SPON1: variants seen among roughly 807,000 people sequenced by gnomAD.
The protein encoded by SPON1 is spondin 1.
A neutral mutation model predicts 111.7 loss-of-function variants in SPON1; 52 were observed. The ratio of observed to expected loss-of-function variants is 0.47; its 90% CI spans 0.37 to 0.59. SPON1 has a LOEUF of 0.59. Among genes scored for constraint, SPON1 ranks in the 20% least tolerant of loss-of-function variants. The pLI, the probability that SPON1 is intolerant of heterozygous loss-of-function variation, is 0.00. For missense variants in SPON1, 957 were observed against 1,068.5 expected (o/e 0.90, Z 1.46); for synonymous variants, 410 against 395.8 (o/e 1.04, Z -0.43).
intron 6 of SPON1, among the ~76,000 whole-genome samples, chr11:14,138,410 A>G (rs927680284): frequency 1.3e-5 from 2 of 152,232 alleles, no homozygotes; most frequent in Admixed American, 6.5e-5. Context: ...TAATGTTACT[A>G]TAACTGCAAA....
chr11:14,246,471 C>G (rs1456422526), intron 7 of SPON1, among the ~76,000 whole-genome samples: 3 of 152,162 alleles, frequency 2.0e-5, no homozygotes, highest in Non-Finnish European at 4.4e-5. Context: ...ATAACACGAT[C>G]CTTCCAATTA....
intron 4 of SPON1, 57 bp from the exon 5 acceptor site, chr11:14,079,842 A>G: frequency 1.2e-6 from 2 of 1,603,118 alleles, no homozygotes; most frequent in Non-Finnish European, 1.7e-6. Flanking sequence ...TGATAGCACC[A>G]CCTTATATAC....
chr11:14,094,211 CAAA>C (rs1183210350), intron 5 of SPON1, among the ~76,000 whole-genome samples: 5 of 101,698 alleles, frequency 4.9e-5, no homozygotes, highest in Non-Finnish European at 4.2e-5. Flanking sequence ...GACTCTGTCT[CAAA>C]AAAAAAAAAA....
intron 3 of SPON1, among the ~76,000 whole-genome samples, chr11:14,065,896 AGGAAT>A: frequency 1.3e-5 from 2 of 152,230 alleles, no homozygotes; most frequent in African/African-American, 2.4e-5. Flanking sequence ...GTTAGGTCCT[AGGAAT>A]GCAATGATGA....
chr11:14,046,122 T>C (rs2133815999), intron 3 of SPON1, among the ~76,000 whole-genome samples: 2 of 152,020 alleles, frequency 1.3e-5, no homozygotes, highest in East Asian at 1.9e-4. Context: ...GGGGGCAAAA[T>C]AACAGTGAAG....
chr11:14,075,071 A>C (rs1279376218), intron 3 of SPON1, among the ~76,000 whole-genome samples: 1 of 152,180 alleles, frequency 6.6e-6, no homozygotes, highest in Non-Finnish European at 1.5e-5. Context: ...TTACCTTCAC[A>C]ATAACCTTAC....
chr11:14,141,148 A>G (rs1554928751), intron 6 of SPON1, among the ~76,000 whole-genome samples: 1 of 151,136 alleles, frequency 6.6e-6, no homozygotes, highest in Admixed American at 6.6e-5. Context: ...CTCACCACGC[A>G]CTAGCTCCTG....
intron 6 of SPON1, among the ~76,000 whole-genome samples, chr11:14,144,143 G>A (rs1305537736): frequency 6.6e-6 from 1 of 152,116 alleles, no homozygotes; most frequent in Non-Finnish European, 1.5e-5. Flanking sequence ...CTTGGAGTAT[G>A]AGCTCATTAT....
chr11:14,119,567 G>A (rs1347875413), intron 5 of SPON1, among the ~76,000 whole-genome samples: 1 of 152,172 alleles, frequency 6.6e-6, no homozygotes, highest in Non-Finnish European at 1.5e-5. Context: ...CTCACTGATA[G>A]CATTAGCAAG....
intron 6 of SPON1, among the ~76,000 whole-genome samples, chr11:14,231,698 T>A (rs1848804730): frequency 6.6e-6 from 1 of 152,224 alleles, no homozygotes; most frequent in Non-Finnish European, 1.5e-5. Flanking sequence ...TAGATTACTA[T>A]ACAAACTGTA....
intron 4 of SPON1, among the ~76,000 whole-genome samples, chr11:14,076,056 A>G (rs1232737047): frequency 6.6e-6 from 1 of 152,214 alleles, no homozygotes; most frequent in African/African-American, 2.4e-5. Context: ...CCTTCTAGCC[A>G]TGTGACTTAA....
At chr11:14,243,601 A>G (rs183568952) in intron 7 of SPON1, among the ~76,000 whole-genome samples, 5 of 152,264 alleles carry the variant, frequency 3.3e-5, no homozygotes, top group Admixed American at 2.0e-4. Flanking sequence ...TTTTCCCCCA[A>G]TGGCTTTAAT....
chr11:14,061,758 A>G (rs1591364863), intron 3 of SPON1, among the ~76,000 whole-genome samples: 1 of 152,352 alleles, frequency 6.6e-6, no homozygotes, highest in African/African-American at 2.4e-5. Flanking sequence ...CTGCAGCTCC[A>G]AAAGCTGGTT....
chr11:14,103,966 TATAGAC>T (rs1849165228), intron 5 of SPON1, among the ~76,000 whole-genome samples: 1 of 152,212 alleles, frequency 6.6e-6, no homozygotes. Flanking sequence ...CTTTGAACCT[TATAGAC>T]ATAATATCAT....
Position 14,161,019 on chromosome 11 carries a change from C to CTATATATATT in SPON1, c.825+25461_825+25470dup, listed in dbSNP as rs1164437562. Among the ~76,000 whole-genome samples the CTATATATATT allele has an allele frequency of 2.5e-4, 14 of 55,376 alleles. 2 individuals carry two copies. Among genetic ancestry groups the CTATATATATT allele is most frequent in the Non-Finnish European group, 4.3e-4 (14 of 32,912 alleles). The allele number at this position is 55,376 out of a possible 152,430, so 36.3% of individuals were successfully genotyped here. On this transcript the variant is annotated intron_variant, in intron 6 of 15. Coordinates refer to ENST00000576479, the MANE Select transcript of SPON1 (RefSeq NM_006108.4). ...TTTATATATTTATATATTTATATAT[C>CTATATATATT]TATATATATTTATATATATCTATAT... is the stretch of plus-strand genomic sequence containing the variant.
chr11:14,220,028 G>A (rs537778516), intron 6 of SPON1, among the ~76,000 whole-genome samples: 36 of 151,656 alleles, frequency 2.4e-4, no homozygotes, highest in Admixed American at 3.3e-4. Context: ...TGGAGGTTGC[G>A]GTGAGCCGAG....
Position 14,255,205 on chromosome 11 carries a change from C to T in SPON1, c.1093-442C>T, listed in dbSNP as rs1329889041. Among the ~76,000 whole-genome samples the T allele has an allele frequency of 2.0e-5, 3 of 152,338 alleles. No individual in the cohort carries two copies. In the East Asian group the frequency reaches 5.8e-4, roughly 29 times the overall value. On this transcript the variant is annotated intron_variant, in intron 8 of 15. Coordinates refer to ENST00000576479, the MANE Select transcript of SPON1 (RefSeq NM_006108.4). Reference sequence around the variant, plus strand: ...AAAGTTTTCAAAGCCAGTTACACTCCTCCAAGTACATATTATCTGCGGCTG... The same window carrying T: ...AAAGTTTTCAAAGCCAGTTACACTCTTCCAAGTACATATTATCTGCGGCTG...
chr11:14,196,881 CT>C (rs1848408293), intron 6 of SPON1, among the ~76,000 whole-genome samples: 1 of 152,166 alleles, frequency 6.6e-6, no homozygotes, highest in African/African-American at 2.4e-5. Flanking sequence ...GAAACTCTGT[CT>C]CTACTAAAAA....
At chr11:14,125,288 C>A (rs1327206165) in intron 5 of SPON1, among the ~76,000 whole-genome samples, 1 of 152,208 alleles carries the variant, frequency 6.6e-6, no homozygotes. Flanking sequence ...TTTATGAATA[C>A]AACTGGCAGG....
Sources: gnomAD v4.1 joint callset for allele counts (sites outside exome capture counted in the v4.1 genomes callset) on GRCh38, gnomAD v4.1.1 for gene constraint, MANE v1.5 for transcripts, NCBI Gene and HGNC (gene_info 2026-07-23, HGNC 2026-07-21) for gene names.